Variants in SPATA31D1 observed in about 807,000 individuals in gnomAD.
SPATA31D1 encodes SPATA31 subfamily D member 1.
SPATA31D1 carries 6 observed loss-of-function variants against 13.2 expected under a neutral mutation model. The ratio of observed to expected loss-of-function variants is 0.46; its 90% CI spans 0.25 to 0.90. The LOEUF is 0.90. Ranked by LOEUF, SPATA31D1 falls within the 40% of genes least tolerant of loss-of-function variation. SPATA31D1 has a pLI of 0.18. For missense variants in SPATA31D1, 2,445 were observed against 1,884.7 expected, an observed-to-expected ratio of 1.30 and a Z score of -5.50; for synonymous variants, 903 against 718.8, an observed-to-expected ratio of 1.26 and a Z score of -4.10.
Position 81,990,867 on chromosome 9 carries a change from T to A in SPATA31D1, c.397T>A (p.Cys133Ser), listed in dbSNP as rs749521287. The A allele has an allele frequency of 6.2e-7, 1 of 1,613,960 alleles. No homozygotes were observed. Among genetic ancestry groups the A allele is most frequent in the South Asian group, 1.1e-5 (1 of 91,080 alleles). ...ATGCCCAGACCCCGTCTGTCGGGTGTGTAAGAGAGCAACTGCTGATATCCA... is the reference window on the plus strand; with the variant it reads ...ATGCCCAGACCCCGTCTGTCGGGTGAGTAAGAGAGCAACTGCTGATATCCA... ...LLCPDPVCRV[C>S]KRATADIQQL... The change falls in exon 4 of 4, where the codon TGT becomes AGT. Residue 133 changes from cysteine to serine, a missense_variant. Physicochemically the swap from Cys to Ser is moderately radical, Grantham distance 112. Transcript: ENST00000344803.
rs367789589 is a variant in SPATA31D1, at chr9:81,994,052, T to C, written c.3582T>C (p.Asp1194=). The C allele has an allele frequency of 2.5e-4, 401 of 1,613,466 alleles. 1 individual carries two copies. The highest frequency in any genetic ancestry group is 6.3e-4 in the Admixed American group (38 of 59,958). ...IFPPRISVPQ[D]PKSSYLKNQM... ...CACCAAGAATATCAGTTCCTCAAGA[T>C]CCTAAATCATCATACCTTAAAAATC... Residue 1194 remains aspartate (D), a synonymous_variant, in exon 4 of 4, where the codon GAT becomes GAC. Coordinates refer to ENST00000344803, the MANE Select transcript of SPATA31D1 (RefSeq NM_001001670.3).
chr9:81,991,852 A>AGCATGACTTG lies in SPATA31D1; in HGVS notation c.1386_1395dup (p.Glu466Ter). The AGCATGACTTG allele has an allele frequency of 1.2e-6, 2 of 1,613,848 alleles. No homozygotes were observed. Among genetic ancestry groups the AGCATGACTTG allele is most frequent in the Non-Finnish European group, 1.7e-6 (2 of 1,179,736 alleles). On this transcript the variant is annotated frameshift_variant, in exon 4 of 4. Coordinates refer to ENST00000344803, the MANE Select transcript of SPATA31D1 (RefSeq NM_001001670.3). LOFTEE classifies it low-confidence loss of function (END_TRUNC). Reference sequence around the variant, plus strand: ...AATATGTTAACCTCAATTGCTGTTAAGCATGACTTGGCAGAATCCTTTCCT... The same window carrying AGCATGACTTG: ...AATATGTTAACCTCAATTGCTGTTAAGCATGACTTGGCATGACTTGGCAGAATCCTTTCCT...
chr9:81,989,055 C>A lies in SPATA31D1; in HGVS notation c.186+51C>A, dbSNP rs189422847. 3.1e-6 allele frequency: 5 copies of A among 1,591,710 alleles called. No homozygotes were observed. In the Admixed American group the frequency reaches 8.7e-5, roughly 28 times the overall value. On this transcript the variant is annotated intron_variant, in intron 1 of 3. Coordinates refer to ENST00000344803, the MANE Select transcript of SPATA31D1 (RefSeq NM_001001670.3). Reference sequence around the variant, plus strand: ...AGAGAGATGCCCTGTTGTTGTTTCCCAATCCTATTCCAACATTTCTAAATA... The same window carrying A: ...AGAGAGATGCCCTGTTGTTGTTTCCAAATCCTATTCCAACATTTCTAAATA...
Position 81,991,958 on chromosome 9 carries a change from A to G in SPATA31D1, c.1488A>G (p.Leu496=), listed in dbSNP as rs762956503. 2.5e-6 allele frequency: 4 copies of G among 1,613,712 alleles called. No homozygotes were observed. The highest frequency in any genetic ancestry group is 1.6e-4 in the Middle Eastern group (1 of 6,078). ...PPHSKCFEDH[L]EQKYVQLFWG... ...ACTCTAAATGCTTTGAAGACCATTT[A>G]GAGCAAAAATATGTCCAGCTCTTCT... The change falls in exon 4 of 4, where the codon TTA becomes TTG. Residue 496 remains leucine (L), a synonymous_variant. Transcript: ENST00000344803.
Position 81,991,795 on chromosome 9 carries a change from T to C in SPATA31D1, c.1325T>C (p.Leu442Pro). The C allele has an allele frequency of 1.2e-6, 2 of 1,613,752 alleles. No homozygotes were observed. The highest frequency in any genetic ancestry group is 8.5e-7 in the Non-Finnish European group (1 of 1,179,716). ...AAACCAGGATCATTCCCAAAACAAC[T>C]TAGGCCAAACTACCAACTAAATTCC... ...GKKPGSFPKQ[L>P]RPNYQLNSSR... The change falls in exon 4 of 4, where the codon CTT becomes CCT. Residue 442 changes from leucine (L) to proline (P), a missense_variant. Leu to Pro is a moderately conservative substitution (Grantham distance 98). Transcript: ENST00000344803.
At position 81,991,222 on chromosome 9, in the gene SPATA31D1, A is replaced by C; in HGVS notation, c.752A>C (p.His251Pro). 2 of 1,613,818 alleles carry C rather than the reference A, an allele frequency of 1.2e-6. No individual in the cohort carries two copies. Among genetic ancestry groups the C allele is most frequent in the Non-Finnish European group, 1.7e-6 (2 of 1,179,848 alleles). ...QQLPFPLLPP[H>P]HIERVESSLQ... ...CTTCCCTTTCCCCTTCTCCCACCAC[A>C]TCACATTGAGAGAGTGGAGTCCAGC... Residue 251 changes from histidine (H) to proline (P), a missense_variant, in exon 4 of 4, where the codon CAT (histidine) becomes CCT (proline). Coordinates refer to ENST00000344803, the MANE Select transcript of SPATA31D1 (RefSeq NM_001001670.3).
In SPATA31D1 at chr9:81,990,938, G is replaced by A. The variant is rs1281620925; in HGVS notation, c.468G>A (p.Val156=). ...WESLKDAAPS[V]SPLASSASAT... The stretch of plus-strand genomic sequence containing the variant: ...CCCTGAAAGATGCTGCTCCCTCTGT[G>A]TCCCCTTTGGCTTCTTCGGCTTCTG... The change falls in exon 4 of 4, where the codon GTG becomes GTA. Residue 156 remains valine, a synonymous_variant. Transcript: ENST00000344803. 5 of 1,613,764 alleles carry A rather than the reference G, an allele frequency of 3.1e-6. No individual in the cohort carries two copies. In the Admixed American group the frequency reaches 8.3e-5, roughly 27 times the overall value.
Position 81,992,659 on chromosome 9 carries a change from G to A in SPATA31D1, c.2189G>A (p.Gly730Glu), listed in dbSNP as rs763969001. 6.2e-7 allele frequency: 1 copy of A among 1,613,830 alleles called. No homozygotes were observed. The highest frequency in any genetic ancestry group is 1.1e-5 in the South Asian group (1 of 91,080). The change falls in exon 4 of 4, where the codon GGA becomes GAA. Residue 730 changes from glycine to glutamate, a missense_variant. Coordinates refer to ENST00000344803, the MANE Select transcript of SPATA31D1 (RefSeq NM_001001670.3). ...CTATCTGTGTCAGAGAGAATTCATG[G>A]ACCGTTAAATATCTCTTTGGTTGAG... ...SELSVSERIHGPLNISLVEGQ... is the reference protein window; with the variant it reads ...SELSVSERIHEPLNISLVEGQ...
chr9:81,989,440 G>A (rs1179436141), intron 1 of SPATA31D1, among the ~76,000 whole-genome samples: 1 of 152,170 alleles, frequency 6.6e-6, no homozygotes, highest in Non-Finnish European at 1.5e-5. Context: ...GAGTCTCTGA[G>A]CAGAGGCTGG....
rs768840052 is a variant in SPATA31D1, at chr9:81,992,564, C to T, written c.2094C>T (p.Arg698=). The change falls in exon 4 of 4, where the codon CGC becomes CGT. Residue 698 remains arginine (R), a synonymous_variant. Coordinates refer to ENST00000344803, the MANE Select transcript of SPATA31D1 (RefSeq NM_001001670.3). ...EQHIRRRLIQ[R]RWGLPRRIHE... is the part of the protein sequence containing the mutation. ...ACATTCGAAGGAGGCTCATCCAGCG[C>T]AGATGGGGCCTGCCCCGCAGAATCC... 1 of 1,612,050 alleles carries T rather than the reference C, an allele frequency of 6.2e-7. No individual in the cohort carries two copies. The highest frequency in any genetic ancestry group is 1.1e-5 in the South Asian group (1 of 90,998).
Position 81,993,071 on chromosome 9 carries a change from C to T in SPATA31D1, c.2601C>T (p.Ser867=). The T allele has an allele frequency of 6.2e-7, 1 of 1,613,764 alleles. No homozygotes were observed. Among genetic ancestry groups the T allele is most frequent in the South Asian group, 1.1e-5 (1 of 91,066 alleles). The change falls in exon 4 of 4, where the codon TCC becomes TCT. Residue 867 remains serine, a synonymous_variant. Coordinates refer to ENST00000344803, the MANE Select transcript of SPATA31D1 (RefSeq NM_001001670.3). ...AGACAATGTCTCTTCCTGAGAAATC[C>T]CACAGCCAAATTAAACATCGAAATC... ...VKQTMSLPEK[S]HSQIKHRNLV... is the part of the protein sequence containing the mutation.
In SPATA31D1 at chr9:81,992,047, C is replaced by G; in HGVS notation, c.1577C>G (p.Ser526Cys). The change falls in exon 4 of 4, where the codon TCC becomes TGC. Residue 526 changes from serine (S) to cysteine (C), a missense_variant. By Grantham distance (112) the Ser-to-Cys change is moderately radical. Coordinates refer to ENST00000344803, the MANE Select transcript of SPATA31D1 (RefSeq NM_001001670.3). ...HPTVLVQRGH[S>C]SMFVFFNGIT... Reference sequence around the variant, plus strand: ...ACTGTTCTTGTCCAACGTGGCCATTCCTCCATGTTTGTATTCTTCAATGGC... The same window carrying G: ...ACTGTTCTTGTCCAACGTGGCCATTGCTCCATGTTTGTATTCTTCAATGGC... 6.2e-7 allele frequency: 1 copy of G among 1,613,768 alleles called. No homozygotes were observed. Among genetic ancestry groups the G allele is most frequent in the Non-Finnish European group, 8.5e-7 (1 of 1,179,724 alleles).
Position 81,988,850 on chromosome 9 carries a change from A to G in SPATA31D1, c.32A>G (p.Tyr11Cys), listed in dbSNP as rs772487362. The G allele has an allele frequency of 2.5e-6, 4 of 1,612,866 alleles. No homozygotes were observed. Among genetic ancestry groups the G allele is most frequent in the East Asian group, 2.2e-5 (1 of 44,878 alleles). ...AATATCCTCTGTTTTCTGAACAGCT[A>G]TACTGAGACAGGGCTGAGCCCTGAC... The part of the protein sequence containing the change: MENILCFLNS[Y>C]TETGLSPDSH... Residue 11 changes from tyrosine to cysteine, a missense_variant, in exon 1 of 4, where the codon TAT (tyrosine) becomes TGT (cysteine). Physicochemically the swap from Tyr to Cys is radical, Grantham distance 194. Coordinates refer to ENST00000344803, the MANE Select transcript of SPATA31D1 (RefSeq NM_001001670.3).
In SPATA31D1 at chr9:81,994,503, C is replaced by T; in HGVS notation, c.4033C>T (p.Pro1345Ser). The T allele has an allele frequency of 1.2e-6, 2 of 1,613,566 alleles. No individual in the cohort carries two copies. The highest frequency in any genetic ancestry group is 1.1e-5 in the South Asian group (1 of 90,964). ...KSSPTLKTQP[P>S]PENLFRKWMK... ...TTCCCCAACCTTGAAAACACAGCCT[C>T]CTCCTGAAAACCTTTTCAGAAAATG... The change falls in exon 4 of 4, where the codon CCT (proline) becomes TCT (serine). Residue 1345 changes from proline (P) to serine (S), a missense_variant. Physicochemically the swap from Pro to Ser is moderately conservative, Grantham distance 74 (BLOSUM62 -1). Transcript: ENST00000344803.
rs1428516431 is a variant in SPATA31D1 at position 81,991,609 on chromosome 9, T to G, written c.1139T>G (p.Leu380Arg). 5.0e-6 allele frequency: 8 copies of G among 1,613,874 alleles called. No individual in the cohort carries two copies. The highest frequency in any genetic ancestry group is 6.8e-6 in the Non-Finnish European group (8 of 1,179,910). The change falls in exon 4 of 4, where the codon CTT becomes CGT. Residue 380 changes from leucine to arginine, a missense_variant. Coordinates refer to ENST00000344803, the MANE Select transcript of SPATA31D1 (RefSeq NM_001001670.3). ...NFVPSDFMEE[L>R]LTLHSSEAFL... ...GTGCCATCTGATTTCATGGAGGAGC[T>G]TCTTACCCTTCATTCTTCTGAGGCC...
At position 81,991,663 on chromosome 9, in the gene SPATA31D1, T is replaced by C; in HGVS notation, c.1193T>C (p.Leu398Pro). Residue 398 changes from leucine (L) to proline (P), a missense_variant, in exon 4 of 4, where the codon CTC becomes CCC. By Grantham distance (98) the Leu-to-Pro change is moderately conservative. Coordinates refer to ENST00000344803, the MANE Select transcript of SPATA31D1 (RefSeq NM_001001670.3). ...TTAGGGGGGCACTCTGTGGCCAACC[T>C]CATAGAGCCTGTTAACATCTCATTT... Reference protein sequence around the residue: ...AFLGGHSVANLIEPVNISFLS... With the variant: ...AFLGGHSVANPIEPVNISFLS... 1.2e-6 allele frequency: 2 copies of C among 1,613,928 alleles called. No homozygotes were observed. The highest frequency in any genetic ancestry group is 1.7e-6 in the Non-Finnish European group (2 of 1,179,888).
chr9:81,989,479 T>C (rs1564172443), intron 1 of SPATA31D1, among the ~76,000 whole-genome samples: 3 of 152,242 alleles, frequency 2.0e-5, no homozygotes, highest in African/African-American at 7.2e-5. Context: ...GTGACACTTG[T>C]CCCATGAGGG....
At position 81,992,025 on chromosome 9, in the gene SPATA31D1, G is replaced by C. The variant is rs759821606; in HGVS notation, c.1555G>C (p.Val519Leu). The C allele has an allele frequency of 1.9e-6, 3 of 1,613,746 alleles. No homozygotes were observed. The highest frequency in any genetic ancestry group is 1.1e-5 in the South Asian group (1 of 91,068). ...GCACAGCGAGTCTCTGCATCCTACT[G>C]TTCTTGTCCAACGTGGCCATTCCTC... Reference protein sequence around the residue: ...SLHSESLHPTVLVQRGHSSMF... With the variant: ...SLHSESLHPTLLVQRGHSSMF... Residue 519 changes from valine to leucine, a missense_variant, in exon 4 of 4, where the codon GTT (valine) becomes CTT (leucine). Transcript: ENST00000344803.
At position 81,991,720 on chromosome 9, in the gene SPATA31D1, G is replaced by T; in HGVS notation, c.1250G>T (p.Arg417Ile). ...LSHDILALLE[R>I]QVKKRGDFLM... ...CATGACATTCTGGCACTCCTGGAGA[G>T]ACAAGTCAAAAAAAGGGGTGATTTC... Residue 417 changes from arginine to isoleucine, a missense_variant, in exon 4 of 4, where the codon AGA (arginine) becomes ATA (isoleucine). Transcript: ENST00000344803. 1 of 1,613,484 alleles carries T rather than the reference G, an allele frequency of 6.2e-7. No individual in the cohort carries two copies. The highest frequency in any genetic ancestry group is 1.1e-5 in the South Asian group (1 of 91,070).
Sources: gnomAD v4.1 joint callset for allele counts (sites outside exome capture counted in the v4.1 genomes callset) on GRCh38, gnomAD v4.1.1 for gene constraint, MANE v1.5 for transcripts, NCBI Gene and HGNC (gene_info 2026-07-23, HGNC 2026-07-21) for gene names.